PLCH2: variants seen among roughly 807,000 people sequenced by gnomAD.
The protein encoded by PLCH2 is 1-phosphatidylinositol 4,5-bisphosphate phosphodiesterase eta-2.
In PLCH2, 98 loss-of-function variants were observed where a neutral mutation model predicts 134.7. The observed-to-expected ratio is 0.73, with a 90% CI of 0.62 to 0.86. PLCH2 has a LOEUF of 0.86. PLCH2 is among the 40% of genes least tolerant of loss of function. PLCH2 has a pLI of 0.00. For synonymous variants in PLCH2, 974 were observed against 827.5 expected (o/e 1.18, Z -3.04); for missense variants, 1,994 against 1,986.6 (o/e 1.00, Z -0.07).
chr1:2,505,236 CG>C lies in PLCH2; in HGVS notation c.*25del. The C allele has an allele frequency of 1.9e-6, 3 of 1,543,818 alleles. No homozygotes were observed. The highest frequency in any genetic ancestry group is 2.6e-6 in the Non-Finnish European group (3 of 1,151,352). ...TGACCGTCAGTGGTGGGAACCTGGG[CG>C]GCTCTGGAGGCCCAGGGCAGGGGTG... On this transcript the variant is annotated 3_prime_UTR_variant, in exon 22 of 22. Coordinates refer to ENST00000378486, the MANE Select transcript of PLCH2 (RefSeq NM_014638.4).
Position 2,478,615 on chromosome 1 carries a change from G to A in PLCH2, c.264G>A (p.Lys88=). Residue 88 remains lysine, a synonymous_variant, in exon 2 of 22, where the codon AAG becomes AAA. Coordinates refer to ENST00000378486, the MANE Select transcript of PLCH2 (RefSeq NM_014638.4). ...GGAGGCCCTCACGCAAGAACGAGAA[G>A]GCCAAGAGTGAGTGGGAGCCCTGGG... is the stretch of plus-strand genomic sequence containing the variant. ...IRWRPSRKNE[K]AKISIDSIQE... is the part of the protein sequence containing the mutation. The A allele has an allele frequency of 1.2e-6, 2 of 1,609,314 alleles. No individual in the cohort carries two copies. Among genetic ancestry groups the A allele is most frequent in the East Asian group, 2.2e-5 (1 of 44,724 alleles).
At chr1:2,496,570 G>A in intron 13 of PLCH2, 37 bp from the exon 14 acceptor site, 1 of 1,557,076 alleles carries the variant, frequency 6.4e-7, no homozygotes, top group Non-Finnish European at 8.7e-7. Flanking sequence ...GGCTGGCCCT[G>A]GACGGGAGGG....
At chr1:2,471,800 C>A (rs1414473474), upstream of PLCH2, among the ~76,000 whole-genome samples, 1 of 152,180 alleles carries the variant, frequency 6.6e-6, no homozygotes, top group Non-Finnish European at 1.5e-5. Flanking sequence ...AGGAGCCACC[C>A]AAGGGGGCAG....
chr1:2,476,284 C>A, upstream of PLCH2: 1 of 307,026 alleles, frequency 3.3e-6, no homozygotes, highest in Non-Finnish European at 6.0e-6. Flanking sequence ...CTGGGCGGGG[C>A]TGAGGTCCTT....
At chr1:2,503,874 C>A in intron 21 of PLCH2, 48 bp from the exon 22 acceptor site, 1 of 679,998 alleles carries the variant, frequency 1.5e-6, no homozygotes, top group Non-Finnish European at 2.7e-6. Flanking sequence ...CCCTCTCTCT[C>A]TTCTGCTTCT....
chr1:2,487,742 C>A (rs1243366698), intron 8 of PLCH2, 24 bp downstream of exon 8: 2 of 1,608,418 alleles, frequency 1.2e-6, no homozygotes, highest in Non-Finnish European at 1.7e-6. Flanking sequence ...CCTAGCGGGG[C>A]TGGCCCCAGA....
rs1373350880 is a variant in PLCH2 at position 2,439,460 on chromosome 1, T to C, written c.115+8831T>C. 2.0e-5 allele frequency among the ~76,000 whole-genome samples: 3 copies of C among 152,182 alleles called. No individual in the cohort carries two copies. Among genetic ancestry groups the C allele is most frequent in the Non-Finnish European group, 4.4e-5 (3 of 68,034 alleles). ...CATCCCACCCGTTCGTTGTCTTGAG[T>C]TCTGATTGAGAACGGGACGTCTTCA... On this transcript the variant is annotated intron_variant, in intron 2 of 3. Coordinates refer to the PLCH2 transcript ENST00000609981. The surrounding 1 kb of genome is among the most constrained non-coding windows in gnomAD (Gnocchi z 4.7).
chr1:2,428,021 G>C (rs957873149), intron 1 of PLCH2, among the ~76,000 whole-genome samples: 2 of 152,172 alleles, frequency 1.3e-5, no homozygotes, highest in Non-Finnish European at 2.9e-5. Flanking sequence ...GTGTGTGGTC[G>C]TTGCACCCTG....
upstream of PLCH2, among the ~76,000 whole-genome samples, chr1:2,466,945 C>T (rs982302629): frequency 6.6e-6 from 1 of 152,152 alleles, no homozygotes; most frequent in African/African-American, 2.4e-5. Context: ...GGAACTCGGC[C>T]TCCCCCAACG....
intron 2 of PLCH2, among the ~76,000 whole-genome samples, chr1:2,454,279 C>T (rs1279987389): frequency 2.0e-5 from 3 of 152,220 alleles, no homozygotes; most frequent in African/African-American, 7.2e-5. Flanking sequence ...GTGCCCCGCC[C>T]ACCATGCCCG....
intron 2 of PLCH2, among the ~76,000 whole-genome samples, chr1:2,459,632 G>GGTGGTCTT (rs1640707358): frequency 6.8e-4 from 4 of 5,866 alleles, no homozygotes; most frequent in East Asian, 0.011. Context: ...GGTCCTCCTT[G>GGTGGTCTT]CCTGTGGTCT....
chr1:2,503,750 G>A (rs372098913), intron 21 of PLCH2, 172 bp from the exon 22 acceptor site: 17 of 617,470 alleles, frequency 2.8e-5, no homozygotes, highest in African/African-American at 5.5e-5. Context: ...TGGGGACACC[G>A]AGTGTGCCGC....
At chr1:2,452,068 G>C (rs560783935) in intron 2 of PLCH2, among the ~76,000 whole-genome samples, 1 of 152,330 alleles carries the variant, frequency 6.6e-6, no homozygotes, top group Non-Finnish European at 1.5e-5. Flanking sequence ...TGCACGGGAA[G>C]GCGCCCCCTC....
chr1:2,479,407 G>A (rs1234632690), intron 2 of PLCH2: 4 of 253,000 alleles, frequency 1.6e-5, no homozygotes, highest in East Asian at 8.2e-5. Flanking sequence ...TCCTTGGAAC[G>A]TGGAGACGTG....
upstream of PLCH2, among the ~76,000 whole-genome samples, chr1:2,421,231 C>T (rs1638502680): frequency 6.6e-6 from 1 of 152,146 alleles, no homozygotes; most frequent in Non-Finnish European, 1.5e-5. Context: ...AGACGTGAGC[C>T]ACTGCATCTG....
intron 2 of PLCH2, among the ~76,000 whole-genome samples, chr1:2,461,589 C>T (rs1349030550): frequency 2.0e-5 from 3 of 152,146 alleles, no homozygotes; most frequent in Non-Finnish European, 2.9e-5. Flanking sequence ...CCTGGGGCCT[C>T]GGCTCCCCTC....
At chr1:2,432,543 T>G (rs1036662396) in intron 2 of PLCH2, among the ~76,000 whole-genome samples, 3 of 152,152 alleles carry the variant, frequency 2.0e-5, no homozygotes, top group Admixed American at 1.3e-4. Context: ...AGAATGCAAA[T>G]GACTGCTGGG....
rs542562910 is a variant in PLCH2, at chr1:2,480,358, C to T, written c.645+46C>T. 3.6e-5 allele frequency: 57 copies of T among 1,590,742 alleles called. No individual in the cohort carries two copies. In the Admixed American group the frequency reaches 5.3e-4, roughly 15 times the overall value. On this transcript the variant is annotated intron_variant, in intron 4 of 21. Transcript: ENST00000378486. ...CCTGGGCTCCAGAGCCAGGGCTGCACGGGGGCTGTGCTTGTGTGGCTGGGA... is the reference window on the plus strand; with the variant it reads ...CCTGGGCTCCAGAGCCAGGGCTGCATGGGGGCTGTGCTTGTGTGGCTGGGA...
chr1:2,503,233 T>G, intron 21 of PLCH2: 1 of 557,476 alleles, frequency 1.8e-6, no homozygotes, highest in African/African-American at 1.9e-5. Flanking sequence ...GGCTGGGCGC[T>G]TCCCCAAACT....
Sources: allele counts gnomAD v4.1 joint callset (sites outside exome capture counted in the v4.1 genomes callset), GRCh38; gene constraint gnomAD v4.1.1; non-coding constraint Gnocchi (gnomAD v3.1); transcripts MANE v1.5; gene names NCBI Gene and HGNC (gene_info 2026-07-23, HGNC 2026-07-21).